PLSCR4: variants seen among roughly 807,000 people sequenced by gnomAD.
The protein encoded by PLSCR4 is Ca(2+)-dependent phospholipid scramblase 4.
Under a neutral mutation model 36.3 loss-of-function variants are expected in PLSCR4, and 25 were observed. The observed-to-expected ratio is 0.69, with a 90% CI of 0.50 to 0.96. The LOEUF (loss-of-function observed/expected upper bound fraction) is 0.96. PLSCR4 is among the 40% of genes least tolerant of loss of function. The pLI is 0.00. For missense variants in PLSCR4, 408 were observed against 414.7 expected, an observed-to-expected ratio of 0.98 and a Z score of 0.14; for synonymous variants, 122 against 132.9, an observed-to-expected ratio of 0.92 and a Z score of 0.56.
At chr3:146,232,563 G>C (rs2035755373) in intron 1 of PLSCR4, among the ~76,000 whole-genome samples, 1 of 152,098 alleles carries the variant, frequency 6.6e-6, no homozygotes, top group African/African-American at 2.4e-5. Context: ...CACCTCCGCA[G>C]TTAGCTGTAT....
At chr3:146,202,480 A>G (rs1050410601) in intron 4 of PLSCR4, among the ~76,000 whole-genome samples, 2 of 152,074 alleles carry the variant, frequency 1.3e-5, no homozygotes, top group East Asian at 1.9e-4. Context: ...ACTGCTAACA[A>G]TCATCTGAGA....
intron 1 of PLSCR4, among the ~76,000 whole-genome samples, chr3:146,227,324 A>G (rs2035519444): frequency 6.6e-6 from 1 of 152,154 alleles, no homozygotes; most frequent in Admixed American, 6.5e-5. Context: ...TGTAATTAAG[A>G]GAGAAAGGAG....
chr3:146,235,967 G>A (rs1366486629), intron 1 of PLSCR4, among the ~76,000 whole-genome samples: 1 of 152,010 alleles, frequency 6.6e-6, no homozygotes, highest in Non-Finnish European at 1.5e-5. Flanking sequence ...TCAAGATGTG[G>A]CCTGGCTGCT....
At chr3:146,249,364 A>G (rs1436627496) in intron 1 of PLSCR4, among the ~76,000 whole-genome samples, 1 of 152,108 alleles carries the variant, frequency 6.6e-6, no homozygotes, top group Non-Finnish European at 1.5e-5. Flanking sequence ...AGGTTTCCCA[A>G]ACAAATTCCT....
chr3:146,228,006 T>C (rs1051367718), intron 1 of PLSCR4, among the ~76,000 whole-genome samples: 2 of 152,234 alleles, frequency 1.3e-5, no homozygotes, highest in Non-Finnish European at 2.9e-5. Context: ...TCAGACAGTA[T>C]GGACAGTGGT....
intron 1 of PLSCR4, among the ~76,000 whole-genome samples, chr3:146,249,458 C>T (rs563329141): frequency 6.6e-6 from 1 of 152,174 alleles, no homozygotes; most frequent in Admixed American, 6.5e-5. Flanking sequence ...TGCCAGCTTT[C>T]CTTTTATTCT....
At chr3:146,247,116 T>C (rs114240874) in intron 1 of PLSCR4, among the ~76,000 whole-genome samples, 2,101 of 152,340 alleles carry the variant, frequency 0.014, 23 homozygotes, top group Non-Finnish European at 0.018. Flanking sequence ...TTCTTTTTAA[T>C]GGCTGCAACA....
chr3:146,241,890 AAAC>A (rs1216780817), intron 1 of PLSCR4, among the ~76,000 whole-genome samples: 1 of 152,236 alleles, frequency 6.6e-6, no homozygotes, highest in Non-Finnish European at 1.5e-5. Context: ...CATAAAAATA[AAAC>A]AACACATTTC....
chr3:146,231,083 A>G (rs1165176748), intron 1 of PLSCR4, among the ~76,000 whole-genome samples: 1 of 152,022 alleles, frequency 6.6e-6, no homozygotes, highest in African/African-American at 2.4e-5. Flanking sequence ...TGTGTACTCA[A>G]TGTTTAGCTC....
In PLSCR4 at chr3:146,194,411, C is replaced by T; in HGVS notation, c.990G>A (p.Ter330=). The stretch of plus-strand genomic sequence containing the variant: ...ATAGTTGATGGCTTGCTGTGTCTCT[C>T]TATCTTGAACGTTGTGGTGGAGATC... ...FERSPPQRSR[*] is the part of the protein sequence containing the mutation. Residue 330 remains the stop codon, a stop_retained_variant, in exon 9 of 9, where the codon TAG becomes TAA. Transcript: ENST00000354952. 6.2e-7 allele frequency: 1 copy of T among 1,606,916 alleles called. No individual in the cohort carries two copies. Among genetic ancestry groups the T allele is most frequent in the Non-Finnish European group, 8.5e-7 (1 of 1,173,842 alleles).
At position 146,194,339 on chromosome 3, in the gene PLSCR4, T is replaced by C; in HGVS notation, c.*72A>G. The stretch of plus-strand genomic sequence containing the variant: ...AGAAATACACTTGCAAATAACTGAG[T>C]GCTGACTGTAAGCCCAATCCAACTT... On this transcript the variant is annotated 3_prime_UTR_variant, in exon 9 of 9. Transcript: ENST00000354952. 3 of 965,148 alleles carry C rather than the reference T, an allele frequency of 3.1e-6. No homozygotes were observed. The highest frequency in any genetic ancestry group is 2.6e-5 in the South Asian group (2 of 76,010). 59.8% of individuals were successfully genotyped at this position (965,148 alleles called of 1,614,324 possible).
rs527754553 is a variant in PLSCR4, at chr3:146,224,511, A to G, written c.-21-2419T>C. On this transcript the variant is annotated intron_variant, in intron 1 of 8. Coordinates refer to ENST00000354952, the MANE Select transcript of PLSCR4 (RefSeq NM_020353.3). ...CCTTCTTATGTTCCGATGTATTCGG[A>G]GTTTCTTCCTTCTGGTGGGTTCGTG... Among the ~76,000 whole-genome samples, 10 of 149,612 alleles carry G rather than the reference A, an allele frequency of 6.7e-5. No individual in the cohort carries two copies. The South Asian group carries it at 1.3e-3, about 19-fold the overall frequency.
At chr3:146,244,225 C>T (rs986852430) in intron 1 of PLSCR4, among the ~76,000 whole-genome samples, 2 of 152,044 alleles carry the variant, frequency 1.3e-5, no homozygotes, top group Non-Finnish European at 2.9e-5. Flanking sequence ...GTTTCATACA[C>T]AACATTATCA....
At chr3:146,235,413 A>G (rs2035874147) in intron 1 of PLSCR4, among the ~76,000 whole-genome samples, 1 of 152,008 alleles carries the variant, frequency 6.6e-6, no homozygotes, top group Non-Finnish European at 1.5e-5. Context: ...TTCTGCCATG[A>G]CTGTAAGTTT....
chr3:146,215,496 GT>G (rs2034850368), intron 3 of PLSCR4, among the ~76,000 whole-genome samples: 1 of 152,020 alleles, frequency 6.6e-6, no homozygotes, highest in Admixed American at 6.6e-5. Flanking sequence ...GTAAATTCTT[GT>G]TTTTACTATG....
At chr3:146,247,054 T>A (rs4681308) in intron 1 of PLSCR4, among the ~76,000 whole-genome samples, 116,716 of 152,018 alleles carry the variant, frequency 0.77, 45,853 homozygotes, top group Non-Finnish European at 0.86. Flanking sequence ...CTTTTTCTTT[T>A]CATTTATTAA....
At chr3:146,216,961 T>A (rs1393829545) in intron 3 of PLSCR4, among the ~76,000 whole-genome samples, 1 of 152,098 alleles carries the variant, frequency 6.6e-6, no homozygotes, top group African/African-American at 2.4e-5. Context: ...CTCATAATAG[T>A]CATGAATCAT....
rs543836526 is a variant in PLSCR4, at chr3:146,195,264, T to C, written c.805A>G (p.Ile269Val). Residue 269 changes from isoleucine (I) to valine (V), a missense_variant, in exon 8 of 9, where the codon ATA becomes GTA. Transcript: ENST00000354952. The stretch of plus-strand genomic sequence containing the variant: ...CGGATAATACTGCCGATGTTGGATA[T>C]GCCATCAAGGGATTTGACCTGGAAT... The part of the protein sequence containing the change: ...SVFEVKSLDG[I>V]SNIGSIIRKW... The C allele has an allele frequency of 6.2e-6, 10 of 1,613,630 alleles. No homozygotes were observed. The highest frequency in any genetic ancestry group is 1.7e-5 in the Admixed American group (1 of 60,006).
At chr3:146,226,647 A>T (rs1221668070) in intron 1 of PLSCR4, among the ~76,000 whole-genome samples, 2 of 152,202 alleles carry the variant, frequency 1.3e-5, no homozygotes, top group Non-Finnish European at 2.9e-5. Flanking sequence ...TCTGGGGTCC[A>T]GGCCTGGAAA....
Sources: allele counts gnomAD v4.1 joint callset (sites outside exome capture counted in the v4.1 genomes callset), GRCh38; gene constraint gnomAD v4.1.1; transcripts MANE v1.5; gene names NCBI Gene and HGNC (gene_info 2026-07-23, HGNC 2026-07-21).